The following RMDN2 variants were observed in gnomAD, a reference collection of about 807,000 sequenced individuals.
RMDN2 encodes the protein regulator of microtubule dynamics 2.
RMDN2 carries 61 observed loss-of-function variants against 52.8 expected under a neutral mutation model. The ratio of observed to expected loss-of-function variants is 1.16; its 90% CI spans 0.94 to 1.43. The LOEUF (loss-of-function observed/expected upper bound fraction) is 1.43, where lower values mean the gene tolerates loss of function less well. Among genes scored for constraint, RMDN2 ranks in the 40% most tolerant of loss-of-function variants. RMDN2 has a pLI of 0.00. For synonymous variants in RMDN2, 180 were observed against 153.1 expected, an observed-to-expected ratio of 1.18 and a Z score of -1.30; for missense variants, 592 against 475.3, an observed-to-expected ratio of 1.25 and a Z score of -2.28.
chr2:38,027,623 G>T (rs1396260992), intron 10 of RMDN2, among the ~76,000 whole-genome samples: 3 of 152,104 alleles, frequency 2.0e-5, no homozygotes, highest in African/African-American at 7.2e-5. Flanking sequence ...TTAGACATTG[G>T]TTAGAGCTCT....
At chr2:37,936,457 A>G (rs1314839532) in intron 2 of RMDN2, among the ~76,000 whole-genome samples, 2 of 152,200 alleles carry the variant, frequency 1.3e-5, no homozygotes, top group Non-Finnish European at 2.9e-5. Context: ...TAGATCCTTG[A>G]GGACTTGCCA....
chr2:38,015,354 C>T (rs569721369), intron 10 of RMDN2, among the ~76,000 whole-genome samples: 14 of 152,186 alleles, frequency 9.2e-5, no homozygotes, highest in Middle Eastern at 3.4e-3. Context: ...ATCATTAGGT[C>T]AAGAGATCGA....
intron 10 of RMDN2, among the ~76,000 whole-genome samples, chr2:38,040,919 A>G (rs1680908115): frequency 6.6e-6 from 1 of 152,166 alleles, no homozygotes; most frequent in Non-Finnish European, 1.5e-5. Context: ...TTTTGCACAT[A>G]TAGATTGTGT....
At chr2:38,017,995 A>G (rs932089543), downstream of RMDN2, among the ~76,000 whole-genome samples, 19 of 152,222 alleles carry the variant, frequency 1.2e-4, no homozygotes, top group Non-Finnish European at 2.4e-4. Context: ...ATGAGCCCGG[A>G]GAAGGAATTT....
intron 8 of RMDN2, 43 bp from the exon 9 acceptor site, chr2:38,003,948 T>C: frequency 7.0e-7 from 1 of 1,419,632 alleles, no homozygotes; most frequent in Non-Finnish European, 1.0e-6. Context: ...ACTGTTATTT[T>C]AATATTGCCC....
chr2:37,951,868 T>A, intron 2 of RMDN2: 2 of 1,613,544 alleles, frequency 1.2e-6, no homozygotes, highest in Non-Finnish European at 1.7e-6. Flanking sequence ...TTCTTTTCTC[T>A]TGCAAGTGAT....
At chr2:37,942,267 T>TA (rs1303540708) in intron 2 of RMDN2, among the ~76,000 whole-genome samples, 2 of 152,186 alleles carry the variant, frequency 1.3e-5, no homozygotes, top group Non-Finnish European at 2.9e-5. Flanking sequence ...ATGCACCAGG[T>TA]ACCTCAGTTG....
intron 2 of RMDN2, chr2:37,951,371 A>G: frequency 6.2e-7 from 1 of 1,613,320 alleles, no homozygotes; most frequent in Non-Finnish European, 8.5e-7. Flanking sequence ...CCCCTGTAAC[A>G]CATAAAGTCA....
At chr2:38,064,633 A>C (rs1345869459) in intron 10 of RMDN2, among the ~76,000 whole-genome samples, 3 of 152,354 alleles carry the variant, frequency 2.0e-5, no homozygotes, top group African/African-American at 7.2e-5. Flanking sequence ...GCTTCTGTAT[A>C]TACAATATGA....
intron 2 of RMDN2, among the ~76,000 whole-genome samples, chr2:37,936,306 C>T (rs552246474): frequency 2.0e-4 from 31 of 151,406 alleles, no homozygotes; most frequent in Admixed American, 5.9e-4. Flanking sequence ...AATTGATGGA[C>T]GGTTGGTTCC....
intron 10 of RMDN2, among the ~76,000 whole-genome samples, chr2:38,031,777 G>A (rs1354234615): frequency 3.3e-5 from 5 of 152,160 alleles, no homozygotes; most frequent in Non-Finnish European, 7.3e-5. Flanking sequence ...CAGTTTCAAG[G>A]CTGAGCATGC....
At chr2:37,950,928 C>T (rs1668698288) in intron 2 of RMDN2, among the ~76,000 whole-genome samples, 1 of 152,008 alleles carries the variant, frequency 6.6e-6, no homozygotes, top group African/African-American at 2.4e-5. Context: ...GCATATGTTT[C>T]CCCTGATCTT....
intron 10 of RMDN2, among the ~76,000 whole-genome samples, chr2:38,024,643 T>C (rs546445294): frequency 6.6e-6 from 1 of 152,194 alleles, no homozygotes; most frequent in East Asian, 1.9e-4. Context: ...GGTTTTTGTA[T>C]ATAGTTTGGA....
intron 10 of RMDN2, among the ~76,000 whole-genome samples, chr2:38,057,247 T>A (rs12712575): frequency 0.51 from 78,305 of 152,128 alleles, 22,016 homozygotes; most frequent in Non-Finnish European, 0.64. Flanking sequence ...TGCAGGTGCC[T>A]TGTGGTCTTT....
chr2:38,050,607 A>C (rs750867332), intron 10 of RMDN2, among the ~76,000 whole-genome samples: 5 of 152,158 alleles, frequency 3.3e-5, no homozygotes, highest in Non-Finnish European at 5.9e-5. Context: ...TTTCCAATAG[A>C]GCTCCTAAGA....
At chr2:38,038,050 C>G (rs1680703292) in intron 10 of RMDN2, among the ~76,000 whole-genome samples, 2 of 152,158 alleles carry the variant, frequency 1.3e-5, no homozygotes, top group African/African-American at 4.8e-5. Flanking sequence ...CTCCTGCCAT[C>G]TTCCTTCCCT....
chr2:38,024,818 A>T (rs2125263751), intron 10 of RMDN2, among the ~76,000 whole-genome samples: 1 of 152,196 alleles, frequency 6.6e-6, no homozygotes, highest in Admixed American at 6.5e-5. Flanking sequence ...TTGCCTTTGT[A>T]CCTTTCTCAA....
intron 10 of RMDN2, among the ~76,000 whole-genome samples, chr2:38,053,095 T>A (rs922183487): frequency 1.3e-5 from 2 of 152,208 alleles, no homozygotes; most frequent in African/African-American, 2.4e-5. Flanking sequence ...AATATTTTTT[T>A]AAAATGTACC....
At chr2:37,994,374 A>G (rs943423075) in intron 7 of RMDN2, among the ~76,000 whole-genome samples, 1 of 152,230 alleles carries the variant, frequency 6.6e-6, no homozygotes, top group African/African-American at 2.4e-5. Context: ...TTTCAGAAGG[A>G]CTTAACAGAG....
Sources: gnomAD v4.1 joint callset for allele counts (sites outside exome capture counted in the v4.1 genomes callset) on GRCh38, gnomAD v4.1.1 for gene constraint, MANE v1.5 for transcripts, NCBI Gene and HGNC (gene_info 2026-07-23, HGNC 2026-07-21) for gene names.